Variants in ROBO2 observed in about 807,000 individuals in gnomAD.
ROBO2 encodes roundabout guidance receptor 2.
In ROBO2, 53 loss-of-function variants were observed where a neutral mutation model predicts 160.8. That is an observed-to-expected ratio of 0.33 (90% CI 0.26 to 0.41). The LOEUF is 0.41. ROBO2 is among the 10% of genes least tolerant of loss of function. The pLI is 1.00. For missense variants in ROBO2, 1,577 were observed against 1,722.4 expected (o/e 0.92, Z 1.49); for synonymous variants, 664 against 611.7 (o/e 1.09, Z -1.26).
chr3:77,608,703 A>G (rs1397934148), intron 21 of ROBO2, among the ~76,000 whole-genome samples: 1 of 152,172 alleles, frequency 6.6e-6, no homozygotes, highest in African/African-American at 2.4e-5. Flanking sequence ...TTCTAGTTTA[A>G]TAATTCTGAA....
intron 2 of ROBO2, among the ~76,000 whole-genome samples, chr3:76,064,921 CTTT>C (rs2107914733): frequency 6.6e-6 from 1 of 151,788 alleles, no homozygotes; most frequent in East Asian, 1.9e-4. Flanking sequence ...GATTTTTTTT[CTTT>C]GTTTGTTTGT....
rs767988628 is a variant in ROBO2, at chr3:76,811,775, CTCCT to C, written c.110-286180_110-286177del. Among the ~76,000 whole-genome samples the C allele has an allele frequency of 5.6e-3, 545 of 96,870 alleles. 46 individuals are homozygous for C. Among genetic ancestry groups the C allele is most frequent in the African/African-American group, 0.012 (298 of 23,970 alleles). The allele number at this position is 96,870 out of a possible 152,430, so 63.6% of individuals were successfully genotyped here. A position where few individuals can be genotyped will look rare whatever the true frequency, so the allele number is the denominator to read the frequency against. On this transcript the variant is annotated intron_variant, in intron 2 of 26. Transcript: ENST00000487694. ...TGCTTAATTACCTTTCTCTCTTTCC[CTCCT>C]TCCTTCCTTCCTTCCTTCCTTCCTT...
chr3:77,278,586 T>G (rs2153367934), intron 2 of ROBO2, among the ~76,000 whole-genome samples: 1 of 152,310 alleles, frequency 6.6e-6, no homozygotes, highest in African/African-American at 2.4e-5. Flanking sequence ...ATAGATTTTC[T>G]AATTTTTATC....
At chr3:76,916,101 G>A (rs925050001) in intron 2 of ROBO2, among the ~76,000 whole-genome samples, 1 of 152,132 alleles carries the variant, frequency 6.6e-6, no homozygotes, top group Non-Finnish European at 1.5e-5. Context: ...TTTGGGGGCT[G>A]GGGGGACGCA....
At chr3:77,491,936 T>G (rs535014451) in intron 4 of ROBO2, among the ~76,000 whole-genome samples, 4 of 152,306 alleles carry the variant, frequency 2.6e-5, no homozygotes, top group African/African-American at 7.2e-5. Context: ...AACTTACACA[T>G]TTGTTTTATA....
chr3:77,549,099 C>A (rs1044437275), intron 7 of ROBO2, among the ~76,000 whole-genome samples: 1 of 151,734 alleles, frequency 6.6e-6, no homozygotes, highest in African/African-American at 2.4e-5. Flanking sequence ...GTGAAGTTCC[C>A]GGTTTTTGCT....
At chr3:75,988,181 A>G (rs868273739) in intron 2 of ROBO2, among the ~76,000 whole-genome samples, 1 of 151,968 alleles carries the variant, frequency 6.6e-6, no homozygotes, top group South Asian at 2.1e-4. Context: ...TTGTTGCTAG[A>G]TTTTTTATTA....
chr3:77,317,284 T>C lies in ROBO2; in HGVS notation c.389-160130T>C, dbSNP rs576563877. The C allele has an allele frequency of 1.6e-4, 124 of 760,376 alleles. 1 individual carries two copies. The highest frequency in any genetic ancestry group is 4.5e-4 in the East Asian group (18 of 40,258). 47.1% of individuals were successfully genotyped at this position (760,376 alleles called of 1,614,324 possible). Reference sequence around the variant, plus strand: ...TGTCTTGATTTTAGCATTTTTTTTTTCCCAGTGTTAGGTGACGAGGATGAA... The same window carrying C: ...TGTCTTGATTTTAGCATTTTTTTTTCCCCAGTGTTAGGTGACGAGGATGAA... On this transcript the variant is annotated intron_variant, in intron 2 of 25. Transcript: ENST00000461745.
At chr3:76,329,862 G>A (rs1331476553) in intron 2 of ROBO2, among the ~76,000 whole-genome samples, 1 of 152,054 alleles carries the variant, frequency 6.6e-6, no homozygotes, top group Non-Finnish European at 1.5e-5. Context: ...GCTTTTTCCG[G>A]GAGCAGTGAT....
chr3:76,978,273 A>G (rs1326034263), intron 2 of ROBO2, among the ~76,000 whole-genome samples: 3 of 152,192 alleles, frequency 2.0e-5, no homozygotes, highest in Non-Finnish European at 4.4e-5. Context: ...AGTAACAACT[A>G]ATTGCAATAT....
At chr3:77,233,707 TTA>T (rs202067858) in intron 2 of ROBO2, among the ~76,000 whole-genome samples, 3,389 of 152,326 alleles carry the variant, frequency 0.022, 50 homozygotes, top group Middle Eastern at 0.051. Context: ...ATGTAAATTT[TTA>T]TATGTTACAT....
At chr3:77,409,103 G>GTA (rs57350639) in intron 2 of ROBO2, among the ~76,000 whole-genome samples, 22,360 of 129,402 alleles carry the variant, frequency 0.17, 1,937 homozygotes, top group African/African-American at 0.26. Flanking sequence ...ATATATATAT[G>GTA]TATATATATA....
chr3:76,613,511 T>C (rs1468263354), intron 2 of ROBO2, among the ~76,000 whole-genome samples: 1 of 152,100 alleles, frequency 6.6e-6, no homozygotes. Context: ...CCTCCTCCTT[T>C]AGTTATGTAC....
intron 5 of ROBO2, among the ~76,000 whole-genome samples, chr3:77,504,314 T>C (rs2088133430): frequency 6.6e-6 from 1 of 152,152 alleles, no homozygotes; most frequent in African/African-American, 2.4e-5. Flanking sequence ...TTGGGTATGC[T>C]ATATCATTGC....
At chr3:77,541,026 A>G (rs988584675) in intron 6 of ROBO2, among the ~76,000 whole-genome samples, 1 of 152,234 alleles carries the variant, frequency 6.6e-6, no homozygotes, top group Non-Finnish European at 1.5e-5. Context: ...TAACAAGTAA[A>G]TATATGAAAT....
In ROBO2 at chr3:77,098,000, G is replaced by A. The variant is rs61731268; in HGVS notation, c.62-14G>A. ...AAATGTTAAAGCTTGTCTTTATTCCGTCATGTTTTGTAGGATCGCGTCTTC... is the reference window on the plus strand; with the variant it reads ...AAATGTTAAAGCTTGTCTTTATTCCATCATGTTTTGTAGGATCGCGTCTTC... On this transcript the variant is annotated splice_polypyrimidine_tract_variant and intron_variant, in intron 1 of 25. Transcript: ENST00000461745. 221 of 1,528,628 alleles carry A rather than the reference G, an allele frequency of 1.4e-4. 1 individual carries two copies. In the East Asian group the frequency reaches 4.7e-3, roughly 32 times the overall value. The allele number at this position is 1,528,628 out of a possible 1,614,324, so 94.7% of individuals were successfully genotyped here.
At chr3:76,917,786 TAA>T in intron 2 of ROBO2, among the ~76,000 whole-genome samples, 1 of 151,270 alleles carries the variant, frequency 6.6e-6, no homozygotes, top group East Asian at 1.9e-4. Flanking sequence ...AGTTTTATTC[TAA>T]AAAAAAATGG....
intron 24 of ROBO2, among the ~76,000 whole-genome samples, chr3:77,637,342 T>C (rs2095281405): frequency 6.6e-6 from 1 of 152,252 alleles, no homozygotes; most frequent in South Asian, 2.1e-4. Flanking sequence ...CCTGCAGCCC[T>C]ATTTGTGCTT....
chr3:75,996,800 A>G (rs201280258), intron 2 of ROBO2, among the ~76,000 whole-genome samples: 1 of 41,066 alleles, frequency 2.4e-5, no homozygotes, highest in African/African-American at 6.6e-5. Flanking sequence ...ATTCTGATAT[A>G]TGTAAATCAT....
Sources: gnomAD v4.1 joint callset for allele counts (sites outside exome capture counted in the v4.1 genomes callset) on GRCh38, gnomAD v4.1.1 for gene constraint, MANE v1.5 for transcripts, NCBI Gene and HGNC (gene_info 2026-07-23, HGNC 2026-07-21) for gene names.